ARHGAP42: variants seen among roughly 807,000 people sequenced by gnomAD.
ARHGAP42 encodes the protein rho GTPase-activating protein 42.
ARHGAP42 carries 63 observed loss-of-function variants against 125.0 expected under a neutral mutation model. The observed-to-expected ratio is 0.50, with a 90% CI of 0.41 to 0.62. The LOEUF is 0.62. Ranked by LOEUF, ARHGAP42 falls within the 20% of genes least tolerant of loss-of-function variation. The pLI is 0.00. For synonymous variants in ARHGAP42, 339 were observed against 351.0 expected (o/e 0.97, Z 0.38); for missense variants, 766 against 1,024.2 (o/e 0.75, Z 3.44).
At chr11:100,718,760 C>T (rs2120262494) in intron 1 of ARHGAP42, among the ~76,000 whole-genome samples, 1 of 152,250 alleles carries the variant, frequency 6.6e-6, no homozygotes, top group South Asian at 2.1e-4. Flanking sequence ...TTTCTCCCTT[C>T]ATGTATATTA....
rs17095689 is a variant in ARHGAP42 at position 100,855,670 on chromosome 11, A to G, written c.313-3884A>G. Among the ~76,000 whole-genome samples the G allele has an allele frequency of 6.4e-3, 970 of 152,134 alleles. 12 individuals carry two copies. Among genetic ancestry groups the G allele is most frequent in the African/African-American group, 0.022 (915 of 41,546 alleles). On this transcript the variant is annotated intron_variant, in intron 3 of 23. Transcript: ENST00000298815. ...GATTTATGTGCACCCCCTTGTGGCT[A>G]TTTATTAGAACCACTTGAAATAGCA...
In ARHGAP42 at chr11:100,991,948, A is replaced by G. The variant is rs1002363733; in HGVS notation, c.*3147A>G. ...TACATATGACTTTTATTATTATTCG[A>G]TGATAATTAGCTTTATATAATGTGG... is the stretch of plus-strand genomic sequence containing the variant. On this transcript the variant is annotated 3_prime_UTR_variant, in exon 24 of 24. Transcript: ENST00000298815. 4.8e-5 allele frequency: 9 copies of G among 185,828 alleles called. No individual in the cohort carries two copies. Among genetic ancestry groups the G allele is most frequent in the Admixed American group, 1.2e-4 (2 of 16,570 alleles). The allele number at this position is 185,828 out of a possible 1,614,324, so 11.5% of individuals were successfully genotyped here. A position where few individuals can be genotyped will look rare whatever the true frequency, so the allele number is the denominator to read the frequency against.
chr11:100,802,487 C>T (rs1232150009), intron 3 of ARHGAP42, among the ~76,000 whole-genome samples: 2 of 146,570 alleles, frequency 1.4e-5, no homozygotes, highest in East Asian at 2.0e-4. Flanking sequence ...TGCAGTGGTG[C>T]GATCTTGACT....
At chr11:100,847,004 C>T (rs1289047359) in intron 3 of ARHGAP42, among the ~76,000 whole-genome samples, 1 of 152,142 alleles carries the variant, frequency 6.6e-6, no homozygotes, top group Admixed American at 6.6e-5. Context: ...ACACAAAACA[C>T]AGGGCTTTAT....
intron 6 of ARHGAP42, among the ~76,000 whole-genome samples, chr11:100,930,567 A>G (rs1326426027): frequency 2.0e-5 from 3 of 152,158 alleles, no homozygotes; most frequent in Non-Finnish European, 4.4e-5. Flanking sequence ...TACTAAGTGA[A>G]TCTGAATTCT....
chr11:100,965,870 G>A (rs1428445960), intron 17 of ARHGAP42, 94 bp downstream of exon 17: 6 of 1,115,208 alleles, frequency 5.4e-6, no homozygotes, highest in African/African-American at 4.8e-5. Flanking sequence ...TATAACATTG[G>A]TATTATAATT....
chr11:100,901,608 G>A (rs1231882594), intron 4 of ARHGAP42, among the ~76,000 whole-genome samples: 1 of 152,202 alleles, frequency 6.6e-6, no homozygotes, highest in Non-Finnish European at 1.5e-5. Context: ...ACCTATTCAA[G>A]CCTCAGCAAT....
chr11:100,961,629 G>A lies in ARHGAP42; in HGVS notation c.1301-55G>A, dbSNP rs189944320. On this transcript the variant is annotated intron_variant, in intron 14 of 23. Transcript: ENST00000298815. Reference sequence around the variant, plus strand: ...ACGTTTGTGCCCATTTTTCATAATTGCATAAGAAATATTTTGAACTGCACA... The same window carrying A: ...ACGTTTGTGCCCATTTTTCATAATTACATAAGAAATATTTTGAACTGCACA... 401 of 1,462,754 alleles carry A rather than the reference G, an allele frequency of 2.7e-4. 3 individuals carry two copies. The African/African-American group carries it at 5.0e-3, about 18-fold the overall frequency. 90.6% of individuals were successfully genotyped at this position (1,462,754 alleles called of 1,614,324 possible). A position where few individuals can be genotyped will look rare whatever the true frequency, so the allele number is the denominator to read the frequency against.
chr11:100,699,061 C>T (rs1861343542), intron 1 of ARHGAP42, among the ~76,000 whole-genome samples: 1 of 151,842 alleles, frequency 6.6e-6, no homozygotes, highest in South Asian at 2.1e-4. Flanking sequence ...CCTTCTCAGC[C>T]CTTTCACTGT....
At chr11:100,850,118 A>G (rs1865166687) in intron 3 of ARHGAP42, among the ~76,000 whole-genome samples, 1 of 152,198 alleles carries the variant, frequency 6.6e-6, no homozygotes, top group African/African-American at 2.4e-5. Context: ...TTGACTTTTT[A>G]TCACACACAT....
rs1861103515 is a variant in ARHGAP42, at chr11:100,687,522, G to A, written c.-157G>A. The A allele has an allele frequency of 1.7e-5, 7 of 424,142 alleles. No homozygotes were observed. In the East Asian group the frequency reaches 4.6e-4, roughly 28 times the overall value. The allele number at this position is 424,142 out of a possible 1,614,324, so 26.3% of individuals were successfully genotyped here. A position where few individuals can be genotyped will look rare whatever the true frequency, so the allele number is the denominator to read the frequency against. ...GACTGAGCCCGGCGCAGGCGGCGCG[G>A]CGCTCGGGGCCCGTTTCCTCCGCGC... On this transcript the variant is annotated 5_prime_UTR_variant, in exon 1 of 24. Coordinates refer to ENST00000298815, the MANE Select transcript of ARHGAP42 (RefSeq NM_152432.4).
chr11:100,839,612 A>C (rs1443164790), intron 3 of ARHGAP42: 1 of 152,166 alleles, frequency 6.6e-6, no homozygotes. Context: ...GTTTTATGTC[A>C]AATAATTGGT....
chr11:100,740,497 T>C (rs1302586412), intron 1 of ARHGAP42, among the ~76,000 whole-genome samples: 1 of 152,232 alleles, frequency 6.6e-6, no homozygotes, highest in Non-Finnish European at 1.5e-5. Flanking sequence ...TGAACCTGTC[T>C]GTCTGATACT....
intron 3 of ARHGAP42, among the ~76,000 whole-genome samples, chr11:100,850,867 A>C (rs1865187329): frequency 7.3e-6 from 1 of 136,772 alleles, no homozygotes; most frequent in Non-Finnish European, 1.5e-5. Context: ...GGGAGATAGT[A>C]GCTTTCTTTT....
intron 1 of ARHGAP42, among the ~76,000 whole-genome samples, chr11:100,724,754 C>A (rs915726544): frequency 6.6e-6 from 1 of 151,620 alleles, no homozygotes; most frequent in Non-Finnish European, 1.5e-5. Flanking sequence ...TTCAAGGAAC[C>A]AGCTTTTGGT....
chr11:100,751,773 CTTT>C (rs757372755), intron 1 of ARHGAP42, among the ~76,000 whole-genome samples: 2,736 of 84,166 alleles, frequency 0.033, 22 homozygotes, highest in African/African-American at 0.055. Context: ...AGACAGGCAC[CTTT>C]TTTTTTTTTT....
At chr11:100,891,807 C>T (rs1386437249) in intron 4 of ARHGAP42, among the ~76,000 whole-genome samples, 1 of 151,922 alleles carries the variant, frequency 6.6e-6, no homozygotes, top group Admixed American at 6.6e-5. Flanking sequence ...ATAGTAAATG[C>T]CGAGTTAGAG....
intron 2 of ARHGAP42, among the ~76,000 whole-genome samples, chr11:100,782,788 A>T (rs553228288): frequency 5.3e-5 from 8 of 151,990 alleles, no homozygotes; most frequent in Non-Finnish European, 1.0e-4. Context: ...GATTTTTGGG[A>T]CTCGGAAATA....
At chr11:100,738,729 CAA>C (rs1862117884) in intron 1 of ARHGAP42, among the ~76,000 whole-genome samples, 1 of 152,118 alleles carries the variant, frequency 6.6e-6, no homozygotes, top group Non-Finnish European at 1.5e-5. Flanking sequence ...GTTAAGAAGT[CAA>C]AGTGTTTTAT....
Sources: allele counts gnomAD v4.1 joint callset (sites outside exome capture counted in the v4.1 genomes callset), GRCh38; gene constraint gnomAD v4.1.1; transcripts MANE v1.5; gene names NCBI Gene and HGNC (gene_info 2026-07-23, HGNC 2026-07-21).